RPGRIP1L: variants seen among roughly 807,000 people sequenced by gnomAD.
The protein encoded by RPGRIP1L is RPGRIP1 like, also known as protein fantom.
In RPGRIP1L, 131 loss-of-function variants were observed where a neutral mutation model predicts 160.4. The observed-to-expected ratio is 0.82, with a 90% CI of 0.71 to 0.94. The LOEUF (loss-of-function observed/expected upper bound fraction) is 0.94, where lower values mean the gene tolerates loss of function less well. Among genes scored for constraint, RPGRIP1L ranks in the 40% least tolerant of loss-of-function variants. The probability of loss-of-function intolerance (pLI) is 0.00; values close to 1 mark genes in which losing one functional copy is unlikely to be tolerated. For missense variants in RPGRIP1L, 1,522 were observed against 1,535.8 expected, an observed-to-expected ratio of 0.99 and a Z score of 0.15; for synonymous variants, 510 against 515.8, an observed-to-expected ratio of 0.99 and a Z score of 0.15.
At chr16:53,611,807 T>G (rs1470116223) in intron 24 of RPGRIP1L, among the ~76,000 whole-genome samples, 1 of 152,232 alleles carries the variant, frequency 6.6e-6, no homozygotes, top group Non-Finnish European at 1.5e-5. Context: ...TGATTATTTG[T>G]TCTCAGTTCG....
At chr16:53,602,882 T>G (rs1229139508) in intron 26 of RPGRIP1L, among the ~76,000 whole-genome samples, 1 of 152,196 alleles carries the variant, frequency 6.6e-6, no homozygotes, top group Non-Finnish European at 1.5e-5. Context: ...AGATGTTACA[T>G]GATCATAGCT....
chr16:53,620,776 C>A (rs997333555), intron 23 of RPGRIP1L, among the ~76,000 whole-genome samples: 1 of 151,908 alleles, frequency 6.6e-6, no homozygotes, highest in Non-Finnish European at 1.5e-5. Flanking sequence ...CTTCAGAAAA[C>A]CCCTTCTCTG....
Position 53,637,734 on chromosome 16 carries a change from CAGAAGATGCCA to C in RPGRIP1L, c.3170_3180del (p.Leu1057Ter), listed in dbSNP as rs1343768665. The C allele has an allele frequency of 1.9e-6, 3 of 1,611,970 alleles. No homozygotes were observed. Among genetic ancestry groups the C allele is most frequent in the Non-Finnish European group, 2.5e-6 (3 of 1,179,768 alleles). On this transcript the variant is annotated frameshift_variant, in exon 21 of 27. Transcript: ENST00000647211. LOFTEE classifies it high-confidence loss of function. ...TCCTCTGTTATTTCTGTTTCATCTT[CAGAAGATGCCA>C]AGCTTTGTTCTGCAAGCTGACCTTC...
chr16:53,669,991 T>G (rs1294968452), intron 9 of RPGRIP1L, among the ~76,000 whole-genome samples: 1 of 152,168 alleles, frequency 6.6e-6, no homozygotes, highest in Non-Finnish European at 1.5e-5. Context: ...AGAGGGATGA[T>G]ATCTTCTCTA....
rs1964874207 is a variant in RPGRIP1L, at chr16:53,623,474, A to T, written c.3295-1118T>A. Reference sequence around the variant, plus strand: ...AATTCTCTTCCTAAAAACCAATCAAATATCATCTTTCCGCCTGAAAATATT... The same window carrying T: ...AATTCTCTTCCTAAAAACCAATCAATTATCATCTTTCCGCCTGAAAATATT... On this transcript the variant is annotated intron_variant, in intron 22 of 26. Transcript: ENST00000647211. Among the ~76,000 whole-genome samples the T allele has an allele frequency of 2.0e-5, 3 of 152,140 alleles. No individual in the cohort carries two copies. The South Asian group carries it at 6.2e-4, about 32-fold the overall frequency.
chr16:53,665,498 C>T (rs558883556), intron 9 of RPGRIP1L, among the ~76,000 whole-genome samples: 1 of 151,920 alleles, frequency 6.6e-6, no homozygotes, highest in Non-Finnish European at 1.5e-5. Flanking sequence ...CATATTGAAC[C>T]ACCAGACAAT....
chr16:53,606,355 C>T (rs1388501822), intron 25 of RPGRIP1L, among the ~76,000 whole-genome samples: 1 of 152,192 alleles, frequency 6.6e-6, no homozygotes, highest in East Asian at 1.9e-4. Context: ...GTCTTGGCAG[C>T]ATAGCTTAAA....
At chr16:53,663,278 G>A (rs1430433657) in intron 10 of RPGRIP1L, among the ~76,000 whole-genome samples, 1 of 151,798 alleles carries the variant, frequency 6.6e-6, no homozygotes, top group African/African-American at 2.4e-5. Flanking sequence ...TACTTAGTAA[G>A]AACCCTCAGA....
chr16:53,671,575 A>G lies in RPGRIP1L; in HGVS notation c.1038T>C (p.Asp346=). 1 of 1,518,712 alleles carries G rather than the reference A, an allele frequency of 6.6e-7. No homozygotes were observed. Among genetic ancestry groups the G allele is most frequent in the Non-Finnish European group, 9.1e-7 (1 of 1,098,420 alleles). The allele number at this position is 1,518,712 out of a possible 1,614,324, so 94.1% of individuals were successfully genotyped here. Residue 346 remains aspartate (D), a synonymous_variant, in exon 9 of 27, where the codon GAT becomes GAC. Coordinates refer to ENST00000647211, the MANE Select transcript of RPGRIP1L (RefSeq NM_015272.5). Reference sequence around the variant, plus strand: ...GTTCCTTTTCTAAATCATTAATTCTATCCTGCAGCTAAAATGAAAATAAAA... The same window carrying G: ...GTTCCTTTTCTAAATCATTAATTCTGTCCTGCAGCTAAAATGAAAATAAAA... ...FSERRIEELQ[D]RINDLEKERE...
chr16:53,633,780 A>G (rs1365241672), intron 22 of RPGRIP1L, among the ~76,000 whole-genome samples: 1 of 151,940 alleles, frequency 6.6e-6, no homozygotes, highest in African/African-American at 2.4e-5. Flanking sequence ...GAAATGATAA[A>G]ACAAATAGAG....
At position 53,637,390 on chromosome 16, in the gene RPGRIP1L, G is replaced by A. The variant is rs868648437; in HGVS notation, c.3220+305C>T. On this transcript the variant is annotated intron_variant, in intron 21 of 26. Coordinates refer to ENST00000647211, the MANE Select transcript of RPGRIP1L (RefSeq NM_015272.5). ...ATTTTTAAAAAGTCAAGACCTCTAC[G>A]CTAATGCAAATAATAATACTGAACT... 2.6e-5 allele frequency among the ~76,000 whole-genome samples: 4 copies of A among 152,162 alleles called. No individual in the cohort carries two copies. In the South Asian group the frequency reaches 8.3e-4, roughly 32 times the overall value.
chr16:53,696,208 T>C lies in RPGRIP1L; in HGVS notation c.173A>G (p.His58Arg), dbSNP rs756011104. 4.3e-6 allele frequency: 7 copies of C among 1,614,090 alleles called. No homozygotes were observed. Among genetic ancestry groups the C allele is most frequent in the Non-Finnish European group, 5.9e-6 (7 of 1,179,968 alleles). Residue 58 changes from histidine to arginine, a missense_variant, in exon 3 of 27, where the codon CAT (histidine) becomes CGT (arginine). Transcript: ENST00000647211. ...CTGTTTAAGTAAAATGTTCTCATCA[T>C]GCAAACGCAAAAATCTGTCTTCCAG... Reference protein sequence around the residue: ...EELEDRFLRLHDENILLKQHA... With the variant: ...EELEDRFLRLRDENILLKQHA...
intron 14 of RPGRIP1L, 46 bp downstream of exon 14, chr16:53,656,426 T>C: frequency 8.5e-7 from 1 of 1,177,158 alleles, no homozygotes. Flanking sequence ...TGTTATAAAA[T>C]CCATTCCTCT....
intron 3 of RPGRIP1L, chr16:53,694,008 A>T (rs1442802627): frequency 6.6e-6 from 1 of 152,214 alleles, no homozygotes; most frequent in East Asian, 1.9e-4. Flanking sequence ...ATGATATTCA[A>T]ATAAACTTTG....
chr16:53,689,548 G>T (rs1970250220), intron 4 of RPGRIP1L, among the ~76,000 whole-genome samples: 1 of 152,108 alleles, frequency 6.6e-6, no homozygotes, highest in Non-Finnish European at 1.5e-5. Flanking sequence ...CACACATTTA[G>T]CCAGTGCTTT....
intron 6 of RPGRIP1L, among the ~76,000 whole-genome samples, chr16:53,675,638 A>C (rs1567868020): frequency 6.6e-6 from 1 of 152,192 alleles, no homozygotes; most frequent in Non-Finnish European, 1.5e-5. Flanking sequence ...TAAACTTTTC[A>C]AAATATTTGC....
intron 24 of RPGRIP1L, among the ~76,000 whole-genome samples, chr16:53,617,806 G>A (rs1342653599): frequency 6.6e-6 from 1 of 152,132 alleles, no homozygotes; most frequent in Non-Finnish European, 1.5e-5. Flanking sequence ...GAAAAAAAAG[G>A]TAACTGTGAG....
At position 53,658,634 on chromosome 16, in the gene RPGRIP1L, T is replaced by C. The variant is rs545132275; in HGVS notation, c.1350+138A>G. 186 of 836,454 alleles carry C rather than the reference T, an allele frequency of 2.2e-4. No individual in the cohort carries two copies. In the African/African-American group the frequency reaches 3.0e-3, roughly 14 times the overall value. 51.8% of individuals were successfully genotyped at this position (836,454 alleles called of 1,614,324 possible). A position where few individuals can be genotyped will look rare whatever the true frequency, so the allele number is the denominator to read the frequency against. On this transcript the variant is annotated intron_variant, in intron 11 of 26. Coordinates refer to ENST00000647211, the MANE Select transcript of RPGRIP1L (RefSeq NM_015272.5). ...CAAAATGTCCCTATGGAACATAAAC[T>C]ACCTGATAGCATGAGTTAATAAACT...
chr16:53,637,939 A>T lies in RPGRIP1L; in HGVS notation c.3061-85T>A, dbSNP rs117104558. The T allele has an allele frequency of 3.4e-3, 4,772 of 1,394,732 alleles. 19 individuals are homozygous for T. The highest frequency in any genetic ancestry group is 4.0e-3 in the Non-Finnish European group (3,954 of 990,208). The allele number at this position is 1,394,732 out of a possible 1,614,324, so 86.4% of individuals were successfully genotyped here. On this transcript the variant is annotated intron_variant, in intron 20 of 26. Transcript: ENST00000647211. The stretch of plus-strand genomic sequence containing the variant: ...TATTGCTGGAACAGTTGAATAATAA[A>T]GCATGTAAATTTGAGACTTAAATAT...
Sources: gnomAD v4.1 joint callset for allele counts (sites outside exome capture counted in the v4.1 genomes callset) on GRCh38, gnomAD v4.1.1 for gene constraint, MANE v1.5 for transcripts, NCBI Gene and HGNC (gene_info 2026-07-23, HGNC 2026-07-21) for gene names.